MED27: variants seen among roughly 807,000 people sequenced by gnomAD.
The protein encoded by MED27 is mediator complex subunit 27.
A neutral mutation model predicts 38.2 loss-of-function variants in MED27; 30 were observed. That is an observed-to-expected ratio of 0.79 (90% CI 0.59 to 1.07). MED27 has a LOEUF of 1.07. MED27 is among the 50% of genes least tolerant of loss of function. The probability of loss-of-function intolerance (pLI) is 0.00; values close to 1 mark genes in which losing one functional copy is unlikely to be tolerated. For missense variants in MED27, 289 were observed against 397.5 expected, an observed-to-expected ratio of 0.73 and a Z score of 2.32; for synonymous variants, 122 against 153.5, an observed-to-expected ratio of 0.79 and a Z score of 1.52.
intron 3 of MED27, among the ~76,000 whole-genome samples, chr9:132,002,930 A>AAAAAAAG (rs1554765271): frequency 7.4e-5 from 11 of 149,072 alleles, no homozygotes; most frequent in African/African-American, 2.2e-4. Flanking sequence ...AAAAAAAAAG[A>AAAAAAAG]AAAAAGAAAA....
chr9:132,022,637 T>C (rs1159808815), intron 2 of MED27, among the ~76,000 whole-genome samples: 5 of 152,210 alleles, frequency 3.3e-5, no homozygotes, highest in South Asian at 2.1e-4. Context: ...TAGTGAGGGG[T>C]TGGTGTATTA....
At chr9:131,907,554 A>G (rs1272310629) in intron 4 of MED27, among the ~76,000 whole-genome samples, 1 of 152,046 alleles carries the variant, frequency 6.6e-6, no homozygotes, top group Non-Finnish European at 1.5e-5. Context: ...CAGTGGCGTG[A>G]TCTCGGCTGG....
At chr9:131,919,140 T>C (rs1315740747) in intron 4 of MED27, among the ~76,000 whole-genome samples, 2 of 152,130 alleles carry the variant, frequency 1.3e-5, no homozygotes, top group African/African-American at 4.8e-5. Context: ...TCCCACAAAA[T>C]GACATTACTA....
chr9:132,059,917 T>C (rs1260685198), intron 2 of MED27, among the ~76,000 whole-genome samples: 3 of 152,194 alleles, frequency 2.0e-5, no homozygotes, highest in East Asian at 1.9e-4. Context: ...CTAAGTTCTT[T>C]ACCAGGGTTA....
At chr9:132,041,537 GC>G (rs1006252144) in intron 2 of MED27, among the ~76,000 whole-genome samples, 21 of 152,182 alleles carry the variant, frequency 1.4e-4, no homozygotes, top group Non-Finnish European at 2.2e-4. Flanking sequence ...GAGCTCAGTC[GC>G]TCCCCATCTT....
At chr9:132,056,125 T>G (rs1435245782) in intron 2 of MED27, among the ~76,000 whole-genome samples, 1 of 152,198 alleles carries the variant, frequency 6.6e-6, no homozygotes, top group Non-Finnish European at 1.5e-5. Flanking sequence ...TAACATTTGC[T>G]CACATTTCCA....
chr9:131,926,972 T>C (rs1830495248), intron 4 of MED27, among the ~76,000 whole-genome samples: 1 of 152,254 alleles, frequency 6.6e-6, no homozygotes, highest in Non-Finnish European at 1.5e-5. Context: ...AATTGTAAAT[T>C]AATATTTTAA....
At chr9:131,992,353 C>T (rs1272223934) in intron 3 of MED27, among the ~76,000 whole-genome samples, 2 of 152,272 alleles carry the variant, frequency 1.3e-5, no homozygotes, top group East Asian at 3.9e-4. Context: ...TAAAAATCTA[C>T]AAAATTCCCA....
chr9:131,953,941 C>G (rs1831046398), intron 3 of MED27, among the ~76,000 whole-genome samples: 1 of 151,744 alleles, frequency 6.6e-6, no homozygotes, highest in African/African-American at 2.4e-5. Context: ...CCTCAGCCTC[C>G]TGGGTAGTTA....
chr9:131,893,587 A>G (rs1207571426), intron 5 of MED27, among the ~76,000 whole-genome samples: 1 of 152,074 alleles, frequency 6.6e-6, no homozygotes, highest in Non-Finnish European at 1.5e-5. Context: ...TGACTTGGGG[A>G]AAAAAATCCA....
intron 2 of MED27, among the ~76,000 whole-genome samples, chr9:132,048,275 G>T (rs1175629013): frequency 6.6e-6 from 1 of 151,524 alleles, no homozygotes; most frequent in African/African-American, 2.4e-5. Context: ...TCTCAGGAAT[G>T]GAAAAAAAAA....
chr9:132,018,957 G>T (rs907261690), intron 2 of MED27, among the ~76,000 whole-genome samples: 8 of 152,064 alleles, frequency 5.3e-5, no homozygotes, highest in African/African-American at 1.9e-4. Context: ...TAAAGGCAAA[G>T]AATGGCATAG....
At chr9:131,900,262 C>T (rs1015186618) in intron 4 of MED27, among the ~76,000 whole-genome samples, 14 of 152,334 alleles carry the variant, frequency 9.2e-5, no homozygotes, top group African/African-American at 2.9e-4. Context: ...GGGCAGCGAG[C>T]GGGGGCCGAA....
intron 3 of MED27, among the ~76,000 whole-genome samples, chr9:131,952,308 A>G (rs369609924): frequency 3.9e-5 from 6 of 152,210 alleles, no homozygotes; most frequent in African/African-American, 1.2e-4. Context: ...GGTCTGGTTC[A>G]TTCCACTATT....
intron 3 of MED27, among the ~76,000 whole-genome samples, chr9:131,996,203 T>C (rs1000077467): frequency 7.2e-5 from 11 of 152,302 alleles, no homozygotes; most frequent in Admixed American, 6.5e-4. Context: ...GGGCTGCTGT[T>C]ACACAATGGA....
intron 5 of MED27, among the ~76,000 whole-genome samples, chr9:131,884,490 C>T (rs1462430609): frequency 6.6e-6 from 1 of 152,168 alleles, no homozygotes; most frequent in Non-Finnish European, 1.5e-5. Context: ...CCCATAAACC[C>T]CCATGTGGCT....
At chr9:132,060,718 A>G (rs977372898) in intron 2 of MED27, among the ~76,000 whole-genome samples, 4 of 152,172 alleles carry the variant, frequency 2.6e-5, no homozygotes, top group Non-Finnish European at 5.9e-5. Flanking sequence ...GGAGGCTGGG[A>G]CGGGCAGATC....
chr9:131,908,826 T>C (rs1055719279), intron 4 of MED27, among the ~76,000 whole-genome samples: 40 of 148,928 alleles, frequency 2.7e-4, no homozygotes, highest in African/African-American at 9.4e-4. Flanking sequence ...TATTGTCCTA[T>C]GACACTGCCA....
rs965866753 is a variant in MED27, at chr9:131,893,814, A to T, written c.681+71T>A. The T allele has an allele frequency of 1.8e-5, 19 of 1,067,458 alleles. No homozygotes were observed. The African/African-American group carries it at 2.0e-4, about 11-fold the overall frequency. 66.1% of individuals were successfully genotyped at this position (1,067,458 alleles called of 1,614,324 possible). On this transcript the variant is annotated intron_variant, in intron 5 of 7. Transcript: ENST00000292035. ...TGATTGCTAGTTTTTAATGCCATTC[A>T]TCTGGAATTCGACTACACTTGTTCT...
Sources: gnomAD v4.1 joint callset for allele counts (sites outside exome capture counted in the v4.1 genomes callset) on GRCh38, gnomAD v4.1.1 for gene constraint, MANE v1.5 for transcripts, NCBI Gene and HGNC (gene_info 2026-07-23, HGNC 2026-07-21) for gene names.